The following HAPLN4 variants were observed in gnomAD, a reference collection of about 807,000 sequenced individuals.
HAPLN4 encodes hyaluronan and proteoglycan link protein 4.
A neutral mutation model predicts 28.0 loss-of-function variants in HAPLN4; 19 were observed. That is an observed-to-expected ratio of 0.68 (90% confidence interval 0.47 to 1.00). The LOEUF is 1.00. Among genes scored for constraint, HAPLN4 ranks in the 50% least tolerant of loss-of-function variants. The pLI, the probability that HAPLN4 is intolerant of heterozygous loss-of-function variation, is 0.00. For synonymous variants in HAPLN4, 274 were observed against 273.0 expected (o/e 1.00, Z -0.03); for missense variants, 587 against 602.6 (o/e 0.97, Z 0.27).
chr19:19,256,329 C>G lies in HAPLN4; in HGVS notation c.*1488G>C, dbSNP rs1328329690. ...TGGCTTAGCAGCTCCAGAAGTCCAG[C>G]CCTGTCTGGGGAAGGGGCAGCCATC... On this transcript the variant is annotated 3_prime_UTR_variant, in exon 5 of 5. Coordinates refer to ENST00000291481, the MANE Select transcript of HAPLN4 (RefSeq NM_023002.3). 2 of 152,494 alleles carry G rather than the reference C, an allele frequency of 1.3e-5. No individual in the cohort carries two copies. The highest frequency in any genetic ancestry group is 3.9e-4 in the East Asian group (2 of 5,192). The allele number at this position is 152,494 out of a possible 1,614,324, so 9.4% of individuals were successfully genotyped here.
At position 19,258,711 on chromosome 19, in the gene HAPLN4, T is replaced by G. The variant is rs1409335121; in HGVS notation, c.629A>C (p.Asn210Thr). 6.2e-7 allele frequency: 1 copy of G among 1,605,810 alleles called. No homozygotes were observed. Among genetic ancestry groups the G allele is most frequent in the Non-Finnish European group, 8.5e-7 (1 of 1,177,306 alleles). Residue 210 changes from asparagine (N) to threonine (T), a missense_variant, in exon 4 of 5, where the codon AAC becomes ACC. By Grantham distance (65) the Asn-to-Thr change is moderately conservative. Coordinates refer to ENST00000291481, the MANE Select transcript of HAPLN4 (RefSeq NM_023002.3). This position sits in a 1 kb window ranked among gnomAD's most constrained non-coding sequence, Gnocchi z 6.2. Reference protein sequence around the residue: ...AAWRDGLDWCNAGWLRDGSVQ... With the variant: ...AAWRDGLDWCTAGWLRDGSVQ... ...TGAGCCGTCGCGCAACCAGCCCGCG[T>G]TGCACCAGTCCAGGCCGTCGCGCCA...
In HAPLN4 at chr19:19,257,698, G is replaced by T; in HGVS notation, c.*119C>A. 8.2e-7 allele frequency: 1 copy of T among 1,222,308 alleles called. No individual in the cohort carries two copies. The highest frequency in any genetic ancestry group is 1.0e-6 in the Non-Finnish European group (1 of 953,094). The allele number at this position is 1,222,308 out of a possible 1,614,324, so 75.7% of individuals were successfully genotyped here. On this transcript the variant is annotated 3_prime_UTR_variant, in exon 5 of 5. Coordinates refer to ENST00000291481, the MANE Select transcript of HAPLN4 (RefSeq NM_023002.3). Reference sequence around the variant, plus strand: ...GGGACCCCAGGGGCACAGTTAGTTTGTAAGGGACCACAGGGAATGTGGCCA... The same window carrying T: ...GGGACCCCAGGGGCACAGTTAGTTTTTAAGGGACCACAGGGAATGTGGCCA...
At position 19,261,559 on chromosome 19, in the gene HAPLN4, C is replaced by A; in HGVS notation, c.8G>T (p.Cys3Phe). 1 of 1,529,480 alleles carries A rather than the reference C, an allele frequency of 6.5e-7. No individual in the cohort carries two copies. Among genetic ancestry groups the A allele is most frequent in the South Asian group, 1.3e-5 (1 of 79,744 alleles). 94.7% of individuals were successfully genotyped at this position (1,529,480 alleles called of 1,614,324 possible). A position where few individuals can be genotyped will look rare whatever the true frequency, so the allele number is the denominator to read the frequency against. Reference sequence around the variant, plus strand: ...GCCGGGACCGAGGGCCGCCCGAGCGCACACCTGGGGGGCGGGCACGGGGCG... The same window carrying A: ...GCCGGGACCGAGGGCCGCCCGAGCGAACACCTGGGGGGCGGGCACGGGGCG... MV[C>F]ARAALGPGAL... Residue 3 changes from cysteine to phenylalanine, a missense_variant, in exon 2 of 5, where the codon TGC becomes TTC. Coordinates refer to ENST00000291481, the MANE Select transcript of HAPLN4 (RefSeq NM_023002.3).
intron 1 of HAPLN4, 39 bp downstream of exon 1, chr19:19,262,691 G>T (rs767348383): frequency 1.2e-6 from 2 of 1,609,626 alleles, no homozygotes; most frequent in African/African-American, 2.7e-5. Flanking sequence ...AGATTGGGGA[G>T]ACGGGGCACA....
chr19:19,257,884 C>A lies in HAPLN4; in HGVS notation c.1142G>T (p.Trp381Leu). Reference protein sequence around the residue: ...DPAPGGWGWGWAGGGGWAGGA... With the variant: ...DPAPGGWGWGLAGGGGWAGGA... ...CCCTGCCCAGCCGCCGCCGCCCGCCCAGCCCCAGCCCCAGCCGCCAGGTGC... is the reference window on the plus strand; with the variant it reads ...CCCTGCCCAGCCGCCGCCGCCCGCCAAGCCCCAGCCCCAGCCGCCAGGTGC... Residue 381 changes from tryptophan (W) to leucine (L), a missense_variant, in exon 5 of 5, where the codon TGG becomes TTG. Trp to Leu is a moderately conservative substitution (Grantham distance 61). Coordinates refer to ENST00000291481, the MANE Select transcript of HAPLN4 (RefSeq NM_023002.3). 1.4e-6 allele frequency: 2 copies of A among 1,461,544 alleles called. No homozygotes were observed. The highest frequency in any genetic ancestry group is 2.7e-5 in the Admixed American group (1 of 37,390). 90.5% of individuals were successfully genotyped at this position (1,461,544 alleles called of 1,614,324 possible). A position where few individuals can be genotyped will look rare whatever the true frequency, so the allele number is the denominator to read the frequency against.
rs754562616 is a variant in HAPLN4 at position 19,262,781 on chromosome 19, C to T, written c.-49G>A. The T allele has an allele frequency of 1.8e-5, 29 of 1,599,234 alleles. No homozygotes were observed. The highest frequency in any genetic ancestry group is 2.5e-5 in the Non-Finnish European group (29 of 1,172,162). The stretch of plus-strand genomic sequence containing the variant: ...GCGGCCCCTACGCACCCGGACTGCG[C>T]TCCCCGCACACCCGGTTAAGACTGG... On this transcript the variant is annotated 5_prime_UTR_variant, in exon 1 of 5. Coordinates refer to ENST00000291481, the MANE Select transcript of HAPLN4 (RefSeq NM_023002.3).
At position 19,262,573 on chromosome 19, in the gene HAPLN4, C is replaced by T. The variant is rs1196530607; in HGVS notation, c.3+157G>A. ...CAGGGAGAAATGGAGAGGGAGAGAA[C>T]CTAGAGTGCCAAAAAGAGAGATCAA... On this transcript the variant is annotated intron_variant, in intron 1 of 4. Transcript: ENST00000291481. Among the ~76,000 whole-genome samples, 2 of 151,614 alleles carry T rather than the reference C, an allele frequency of 1.3e-5. 1 individual carries two copies. The highest frequency in any genetic ancestry group is 2.9e-5 in the Non-Finnish European group (2 of 67,882).
chr19:19,261,643 T>C, intron 1 of HAPLN4, 80 bp from the exon 2 acceptor site: 1 of 941,000 alleles, frequency 1.1e-6, no homozygotes, highest in South Asian at 1.8e-5. Flanking sequence ...CGGGCCTGCC[T>C]TCCCCACAGC....
chr19:19,261,537 G>A lies in HAPLN4; in HGVS notation c.30C>T (p.Pro10=), dbSNP rs748557282. The A allele has an allele frequency of 3.2e-6, 5 of 1,586,190 alleles. No homozygotes were observed. The highest frequency in any genetic ancestry group is 1.4e-5 in the African/African-American group (1 of 74,020). The change falls in exon 2 of 5, where the codon CCC becomes CCT. Residue 10 remains proline (P), a synonymous_variant. Transcript: ENST00000291481. Reference sequence around the variant, plus strand: ...CCCAGGCCGCGGCCCAGAGCGCGCCGGGACCGAGGGCCGCCCGAGCGCACA... The same window carrying A: ...CCCAGGCCGCGGCCCAGAGCGCGCCAGGACCGAGGGCCGCCCGAGCGCACA... MVCARAALG[P]GALWAAAWGV...
Position 19,258,450 on chromosome 19 carries a change from T to G in HAPLN4, c.817+73A>C. 6.8e-7 allele frequency: 1 copy of G among 1,461,830 alleles called. No homozygotes were observed. The highest frequency in any genetic ancestry group is 9.4e-7 in the Non-Finnish European group (1 of 1,058,754). The allele number at this position is 1,461,830 out of a possible 1,614,324, so 90.6% of individuals were successfully genotyped here. ...TCTCCTGTTTCTGATCGCTAAGAGC[T>G]GGGTGGGGAAGAAGGCCCCGGGGTT... On this transcript the variant is annotated intron_variant, in intron 4 of 4. Coordinates refer to ENST00000291481, the MANE Select transcript of HAPLN4 (RefSeq NM_023002.3). The surrounding 1 kb of genome is among the most constrained non-coding windows in gnomAD (Gnocchi z 6.2).
Position 19,261,559 on chromosome 19 carries a change from C to T in HAPLN4, c.8G>A (p.Cys3Tyr). MV[C>Y]ARAALGPGAL... ...GCCGGGACCGAGGGCCGCCCGAGCG[C>T]ACACCTGGGGGGCGGGCACGGGGCG... The change falls in exon 2 of 5, where the codon TGC becomes TAC. Residue 3 changes from cysteine to tyrosine, a missense_variant. Coordinates refer to ENST00000291481, the MANE Select transcript of HAPLN4 (RefSeq NM_023002.3). 2.6e-6 allele frequency: 4 copies of T among 1,529,480 alleles called. No homozygotes were observed. The highest frequency in any genetic ancestry group is 3.5e-6 in the Non-Finnish European group (4 of 1,140,924). The allele number at this position is 1,529,480 out of a possible 1,614,324, so 94.7% of individuals were successfully genotyped here.
In HAPLN4 at chr19:19,258,245, G is replaced by A; in HGVS notation, c.818-37C>T. The A allele has an allele frequency of 1.4e-6, 2 of 1,451,346 alleles. No individual in the cohort carries two copies. The highest frequency in any genetic ancestry group is 1.8e-6 in the Non-Finnish European group (2 of 1,101,032). 89.9% of individuals were successfully genotyped at this position (1,451,346 alleles called of 1,614,324 possible). ...AGGTGGGGGGTGGGTTATTAGTGCGGCTCCTGGGACCCTGCTTCGGTGGGA... is the reference window on the plus strand; with the variant it reads ...AGGTGGGGGGTGGGTTATTAGTGCGACTCCTGGGACCCTGCTTCGGTGGGA... On this transcript the variant is annotated intron_variant, in intron 4 of 4. Transcript: ENST00000291481. The surrounding 1 kb of genome is among the most constrained non-coding windows in gnomAD (Gnocchi z 6.2).
intron 3 of HAPLN4, among the ~76,000 whole-genome samples, chr19:19,259,751 A>T (rs1381866815): frequency 6.6e-6 from 1 of 152,142 alleles, no homozygotes; most frequent in East Asian, 1.9e-4. Context: ...GTTATTTGTT[A>T]TTGTTAGGGA....
chr19:19,258,030 G>C lies in HAPLN4; in HGVS notation c.996C>G (p.Ile332Met). The change falls in exon 5 of 5, where the codon ATC (isoleucine) becomes ATG (methionine). Residue 332 changes from isoleucine to methionine, a missense_variant. Ile to Met is a conservative substitution (Grantham distance 10). Coordinates refer to ENST00000291481, the MANE Select transcript of HAPLN4 (RefSeq NM_023002.3). The surrounding 1 kb of genome is among the most constrained non-coding windows in gnomAD (Gnocchi z 6.2). ...CTCCGCAGCGCGCTCGCGGGTTCACGATGGGGTAGCGCGCACTGCCATCGG... is the reference window on the plus strand; with the variant it reads ...CTCCGCAGCGCGCTCGCGGGTTCACCATGGGGTAGCGCGCACTGCCATCGG... ...WLADGSARYP[I>M]VNPRARCGGR... is the part of the protein sequence containing the mutation. The C allele has an allele frequency of 6.5e-7, 1 of 1,532,608 alleles. No individual in the cohort carries two copies. Among genetic ancestry groups the C allele is most frequent in the Non-Finnish European group, 8.7e-7 (1 of 1,145,282 alleles). 94.9% of individuals were successfully genotyped at this position (1,532,608 alleles called of 1,614,324 possible). A position where few individuals can be genotyped will look rare whatever the true frequency, so the allele number is the denominator to read the frequency against.
chr19:19,259,522 G>T (rs1476824925), intron 3 of HAPLN4, among the ~76,000 whole-genome samples: 1 of 151,316 alleles, frequency 6.6e-6, no homozygotes, highest in East Asian at 1.9e-4. Flanking sequence ...CAGGGAGAAG[G>T]CCTGGAGCTG....
rs541825992 is a variant in HAPLN4, at chr19:19,256,203, G to A, written c.*1614C>T. 2.0e-5 allele frequency: 3 copies of A among 152,310 alleles called. No individual in the cohort carries two copies. The highest frequency in any genetic ancestry group is 4.4e-5 in the Non-Finnish European group (3 of 68,026). The allele number at this position is 152,310 out of a possible 1,614,324, so 9.4% of individuals were successfully genotyped here. A position where few individuals can be genotyped will look rare whatever the true frequency, so the allele number is the denominator to read the frequency against. ...ACAGACCAGGGCACGCCATAGGCTC[G>A]GTTTCCTCATTTGTAGGACGACGAC... On this transcript the variant is annotated 3_prime_UTR_variant, in exon 5 of 5. Transcript: ENST00000291481.
chr19:19,257,877 G>T lies in HAPLN4; in HGVS notation c.1149C>A (p.Gly383=). 2.1e-6 allele frequency: 3 copies of T among 1,446,260 alleles called. No individual in the cohort carries two copies. The highest frequency in any genetic ancestry group is 2.7e-6 in the Non-Finnish European group (3 of 1,109,418). The allele number at this position is 1,446,260 out of a possible 1,614,324, so 89.6% of individuals were successfully genotyped here. The change falls in exon 5 of 5, where the codon GGC becomes GGA. Residue 383 remains glycine (G), a synonymous_variant. Transcript: ENST00000291481. ...APGGWGWGWA[G]GGGWAGGARD... ...GCGCGCCCCCTGCCCAGCCGCCGCCGCCCGCCCAGCCCCAGCCCCAGCCGC... is the reference window on the plus strand; with the variant it reads ...GCGCGCCCCCTGCCCAGCCGCCGCCTCCCGCCCAGCCCCAGCCCCAGCCGC...
chr19:19,258,448 G>T lies in HAPLN4; in HGVS notation c.817+75C>A. On this transcript the variant is annotated intron_variant, in intron 4 of 4. Transcript: ENST00000291481. The surrounding 1 kb of genome is among the most constrained non-coding windows in gnomAD (Gnocchi z 6.2). ...GGTCTCCTGTTTCTGATCGCTAAGA[G>T]CTGGGTGGGGAAGAAGGCCCCGGGG... 2 of 1,452,254 alleles carry T rather than the reference G, an allele frequency of 1.4e-6. No individual in the cohort carries two copies. The highest frequency in any genetic ancestry group is 1.9e-6 in the Non-Finnish European group (2 of 1,051,184). The allele number at this position is 1,452,254 out of a possible 1,614,324, so 90.0% of individuals were successfully genotyped here. A position where few individuals can be genotyped will look rare whatever the true frequency, so the allele number is the denominator to read the frequency against.
chr19:19,261,446 C>A lies in HAPLN4; in HGVS notation c.121G>T (p.Glu41Ter). 1 of 1,610,042 alleles carries A rather than the reference C, an allele frequency of 6.2e-7. No homozygotes were observed. Among genetic ancestry groups the A allele is most frequent in the Non-Finnish European group, 8.5e-7 (1 of 1,177,582 alleles). ...ACCACTTTTAGCGGCCCTGACTCAC[C>A]CAGCACGTGCACGACCTTCTTCCGG... ...RGRKKVVHVL[E>*]GESGSVVVQT... The change falls in exon 2 of 5, where the codon GAG becomes TAG. Residue 41 changes from glutamate to a stop codon, truncating the protein, a stop_gained and splice_region_variant. Coordinates refer to ENST00000291481, the MANE Select transcript of HAPLN4 (RefSeq NM_023002.3). LOFTEE classifies it high-confidence loss of function.
Sources: allele counts gnomAD v4.1 joint callset (sites outside exome capture counted in the v4.1 genomes callset), GRCh38; gene constraint gnomAD v4.1.1; non-coding constraint Gnocchi (gnomAD v3.1); transcripts MANE v1.5; gene names NCBI Gene and HGNC (gene_info 2026-07-23, HGNC 2026-07-21).